Variants in ROBO1 observed in about 807,000 individuals in gnomAD.
ROBO1 encodes roundabout homolog 1.
In ROBO1, 149 loss-of-function variants were observed where a neutral mutation model predicts 195.9. The ratio of observed to expected loss-of-function variants is 0.76; its 90% CI spans 0.67 to 0.87. ROBO1 has a LOEUF of 0.87. Among genes scored for constraint, ROBO1 ranks in the 40% least tolerant of loss-of-function variants. The pLI, the probability that ROBO1 is intolerant of heterozygous loss-of-function variation, is 0.00. For missense variants in ROBO1, 1,933 were observed against 2,068.3 expected, an observed-to-expected ratio of 0.93 and a Z score of 1.27; for synonymous variants, 816 against 733.2, an observed-to-expected ratio of 1.11 and a Z score of -1.82.
At chr3:79,071,109 T>C (rs1329349577) in intron 3 of ROBO1, among the ~76,000 whole-genome samples, 3 of 151,836 alleles carry the variant, frequency 2.0e-5, no homozygotes, top group East Asian at 3.9e-4. Flanking sequence ...AATTTTCATG[T>C]GTACATGTTA....
chr3:79,486,121 C>T (rs1028446829), intron 2 of ROBO1, among the ~76,000 whole-genome samples: 1 of 152,072 alleles, frequency 6.6e-6, no homozygotes, highest in Non-Finnish European at 1.5e-5. Flanking sequence ...CAAGGATAAC[C>T]TTAAAGATTC....
intron 2 of ROBO1, among the ~76,000 whole-genome samples, chr3:79,171,120 T>C: frequency 6.7e-6 from 1 of 150,242 alleles, no homozygotes; most frequent in Non-Finnish European, 1.5e-5. Flanking sequence ...TGAATTTACT[T>C]AAATTCATTA....
intron 2 of ROBO1, among the ~76,000 whole-genome samples, chr3:79,480,539 A>C (rs568684657): frequency 1.3e-5 from 2 of 152,190 alleles, no homozygotes; most frequent in Non-Finnish European, 2.9e-5. Flanking sequence ...TATTGTACAC[A>C]CTAGGATTAC....
chr3:79,062,218 A>G (rs1193619681), intron 3 of ROBO1, among the ~76,000 whole-genome samples: 4 of 152,196 alleles, frequency 2.6e-5, no homozygotes, highest in Non-Finnish European at 1.5e-5. Context: ...AAAAGAAGAC[A>G]TTTATGCAGC....
chr3:78,605,592 T>C (rs1198970588), intron 29 of ROBO1, among the ~76,000 whole-genome samples: 1 of 152,218 alleles, frequency 6.6e-6, no homozygotes, highest in Admixed American at 6.5e-5. Flanking sequence ...CTCTGTGTTG[T>C]GGGTTCTAAA....
In ROBO1 at chr3:79,031,542, A is replaced by T. The variant is rs184700152; in HGVS notation, c.173-92615T>A. On this transcript the variant is annotated intron_variant, in intron 3 of 30. Transcript: ENST00000464233. The stretch of plus-strand genomic sequence containing the variant: ...TAAGTGGGTAAGAATACAAATGTCC[A>T]TCTCTGTCACTGACTAGCTGGGTGA... 3.9e-5 allele frequency among the ~76,000 whole-genome samples: 6 copies of T among 152,340 alleles called. 1 individual carries two copies. The East Asian group carries it at 1.2e-3, about 29-fold the overall frequency.
chr3:79,090,916 T>C (rs972465648), intron 3 of ROBO1, among the ~76,000 whole-genome samples: 2 of 152,220 alleles, frequency 1.3e-5, no homozygotes, highest in Non-Finnish European at 2.9e-5. Context: ...TAGATTATAG[T>C]ATGTTTTATT....
At chr3:79,212,689 A>T (rs1576822544) in intron 2 of ROBO1, among the ~76,000 whole-genome samples, 1 of 152,088 alleles carries the variant, frequency 6.6e-6, no homozygotes, top group Middle Eastern at 3.4e-3. Flanking sequence ...GCATGGTGGC[A>T]GACACCTGCA....
In ROBO1 at chr3:79,443,402, A is replaced by C. The variant is rs762997343; in HGVS notation, c.88+146422T>G. Among the ~76,000 whole-genome samples, 177 of 152,216 alleles carry C rather than the reference A, an allele frequency of 1.2e-3. 4 individuals carry two copies. Among genetic ancestry groups the C allele is most frequent in the Non-Finnish European group, 7.4e-5 (5 of 68,024 alleles). On this transcript the variant is annotated intron_variant, in intron 2 of 30. Coordinates refer to ENST00000464233, the MANE Select transcript of ROBO1 (RefSeq NM_002941.4). ...TATCTCGGTTAAATGGATTGACTTC[A>C]TTAACTTGAGTTGCATCTTTCAACA...
At chr3:79,466,093 T>C (rs1457581918) in intron 2 of ROBO1, among the ~76,000 whole-genome samples, 1 of 152,014 alleles carries the variant, frequency 6.6e-6, no homozygotes, top group East Asian at 1.9e-4. Context: ...CTCCCTGAAA[T>C]TGACAATTAT....
intron 3 of ROBO1, among the ~76,000 whole-genome samples, chr3:79,015,799 A>G (rs2077917466): frequency 6.6e-6 from 1 of 152,256 alleles, no homozygotes; most frequent in Non-Finnish European, 1.5e-5. Context: ...ACTCTTAAGC[A>G]CAAGACTTAG....
At chr3:78,621,995 T>G (rs1704486779) in intron 26 of ROBO1, among the ~76,000 whole-genome samples, 1 of 152,218 alleles carries the variant, frequency 6.6e-6, no homozygotes, top group African/African-American at 2.4e-5. Context: ...AAGTAAATGT[T>G]CATGTATTCC....
At chr3:79,083,259 G>GA (rs919438133) in intron 3 of ROBO1, among the ~76,000 whole-genome samples, 2 of 151,588 alleles carry the variant, frequency 1.3e-5, no homozygotes, top group African/African-American at 2.4e-5. Flanking sequence ...TGGACATGAA[G>GA]AAAAAAACAA....
At chr3:79,693,631 CT>C (rs1947359888) in intron 1 of ROBO1, among the ~76,000 whole-genome samples, 1 of 151,556 alleles carries the variant, frequency 6.6e-6, no homozygotes, top group Admixed American at 6.6e-5. Context: ...GAAATTGAAT[CT>C]CGGTAATGTG....
At chr3:79,404,054 A>G (rs905477160) in intron 2 of ROBO1, among the ~76,000 whole-genome samples, 5 of 152,070 alleles carry the variant, frequency 3.3e-5, no homozygotes, top group African/African-American at 1.2e-4. Flanking sequence ...ATGCTTCTGT[A>G]GAGTTTTAAC....
intron 2 of ROBO1, among the ~76,000 whole-genome samples, chr3:79,466,547 G>A (rs1469297908): frequency 1.3e-5 from 2 of 151,888 alleles, no homozygotes; most frequent in Non-Finnish European, 2.9e-5. Flanking sequence ...GTTCTATCAG[G>A]CAATATATTA....
At chr3:79,563,598 A>C (rs546855304) in intron 2 of ROBO1, among the ~76,000 whole-genome samples, 1 of 152,104 alleles carries the variant, frequency 6.6e-6, no homozygotes. Flanking sequence ...GGCATCCAAT[A>C]AAAAGAAATT....
At chr3:79,487,187 A>AAAAAACTTGTTTTTTAACAAAACATGTTT (rs1179516494) in intron 2 of ROBO1, among the ~76,000 whole-genome samples, 5 of 152,272 alleles carry the variant, frequency 3.3e-5, no homozygotes, top group African/African-American at 4.8e-5. Context: ...ATAAGAAGTT[A>AAAAAACTTGTTTTTTAACAAAACATGTTT]AAAAACTTCT....
intron 3 of ROBO1, among the ~76,000 whole-genome samples, chr3:79,053,443 C>T (rs187617609): frequency 6.6e-6 from 1 of 151,974 alleles, no homozygotes; most frequent in Non-Finnish European, 1.5e-5. Flanking sequence ...CATATATATG[C>T]TAATTCTTCT....
Sources: gnomAD v4.1 joint callset for allele counts (sites outside exome capture counted in the v4.1 genomes callset) on GRCh38, gnomAD v4.1.1 for gene constraint, MANE v1.5 for transcripts, NCBI Gene and HGNC (gene_info 2026-07-23, HGNC 2026-07-21) for gene names.